PLEKHA5: variants seen among roughly 807,000 people sequenced by gnomAD.
PLEKHA5 encodes the protein pleckstrin homology domain-containing family A member 5.
Under a neutral mutation model 181.9 loss-of-function variants are expected in PLEKHA5, and 55 were observed. The observed-to-expected ratio is 0.30, with a 90% CI of 0.24 to 0.38. The LOEUF (loss-of-function observed/expected upper bound fraction) is 0.38. Among genes scored for constraint, PLEKHA5 ranks in the 10% least tolerant of loss-of-function variants. PLEKHA5 has a pLI of 1.00. For missense variants in PLEKHA5, 1,432 were observed against 1,549.5 expected (o/e 0.92, Z 1.27); for synonymous variants, 535 against 529.4 (o/e 1.01, Z -0.15).
At chr12:19,301,878 T>C (rs1011907624) in intron 15 of PLEKHA5, among the ~76,000 whole-genome samples, 1 of 152,202 alleles carries the variant, frequency 6.6e-6, no homozygotes, top group African/African-American at 2.4e-5. Context: ...TTTCAATAGG[T>C]AGCATACCCT....
intron 5 of PLEKHA5, among the ~76,000 whole-genome samples, 171 bp from the exon 6 acceptor site, chr12:19,257,262 C>T (rs1269717156): frequency 6.6e-6 from 1 of 152,086 alleles, no homozygotes; most frequent in East Asian, 1.9e-4. Flanking sequence ...GGAATTCTTA[C>T]ACTTCAAAAA....
chr12:19,166,432 G>C (rs998266929), intron 3 of PLEKHA5, among the ~76,000 whole-genome samples: 1 of 152,102 alleles, frequency 6.6e-6, no homozygotes, highest in Admixed American at 6.5e-5. Context: ...TTATTTGAGT[G>C]TCTGTGGCTG....
At chr12:19,175,735 TGA>T (rs2047037458) in intron 3 of PLEKHA5, among the ~76,000 whole-genome samples, 1 of 152,216 alleles carries the variant, frequency 6.6e-6, no homozygotes. Context: ...ATAACATTGT[TGA>T]AACTCTTTTG....
intron 20 of PLEKHA5, among the ~76,000 whole-genome samples, chr12:19,334,862 A>ATATATATATATATATATATC (rs1565630250): frequency 4.3e-4 from 27 of 62,668 alleles, no homozygotes; most frequent in African/African-American, 1.3e-3. Flanking sequence ...ATATATATAT[A>ATATATATATATATATATATC]TATATATCTC....
At chr12:19,155,206 CTA>C (rs2041392740) in intron 3 of PLEKHA5, among the ~76,000 whole-genome samples, 1 of 152,118 alleles carries the variant, frequency 6.6e-6, no homozygotes, top group Non-Finnish European at 1.5e-5. Context: ...CTCACAAGCT[CTA>C]TGTAAAATAA....
In PLEKHA5 at chr12:19,274,848, G is replaced by C; in HGVS notation, c.1178G>C (p.Arg393Thr). 3.7e-6 allele frequency: 6 copies of C among 1,614,116 alleles called. No individual in the cohort carries two copies. The highest frequency in any genetic ancestry group is 5.1e-6 in the Non-Finnish European group (6 of 1,180,010). Residue 393 changes from arginine (R) to threonine (T), a missense_variant, in exon 11 of 32, where the codon AGA (arginine) becomes ACA (threonine). Transcript: ENST00000429027. ...GTCAATGTTAGCCTGGCAGATCTTAGAGGTGGAAATCGCCCCAATACAGGG... is the reference window on the plus strand; with the variant it reads ...GTCAATGTTAGCCTGGCAGATCTTACAGGTGGAAATCGCCCCAATACAGGG... ...KIVNVSLADL[R>T]GGNRPNTGPL... is the part of the protein sequence containing the mutation.
Position 19,130,036 on chromosome 12 carries a change from C to T in PLEKHA5, c.90-15C>T, listed in dbSNP as rs751613131. 1.3e-5 allele frequency: 20 copies of T among 1,574,710 alleles called. No individual in the cohort carries two copies. Among genetic ancestry groups the T allele is most frequent in the Middle Eastern group, 1.7e-4 (1 of 6,012 alleles). ...CTCTCACGCTCCGTGTCTGCCCCTTCTCTCACCCCTGCAGCGAGGAGGCCA... is the reference window on the plus strand; with the variant it reads ...CTCTCACGCTCCGTGTCTGCCCCTTTTCTCACCCCTGCAGCGAGGAGGCCA... On this transcript the variant is annotated splice_polypyrimidine_tract_variant and intron_variant, in intron 1 of 31. Coordinates refer to ENST00000429027, the MANE Select transcript of PLEKHA5 (RefSeq NM_001256470.2). The surrounding 1 kb of genome is among the most constrained non-coding windows in gnomAD (Gnocchi z 4.5).
chr12:19,261,328 A>G (rs1317660726), intron 7 of PLEKHA5, among the ~76,000 whole-genome samples: 1 of 152,132 alleles, frequency 6.6e-6, no homozygotes, highest in Non-Finnish European at 1.5e-5. Flanking sequence ...TTCTTTTCAC[A>G]TGTCAGTTTT....
chr12:19,375,879 T>TA lies in PLEKHA5; in HGVS notation c.*360_*361insA, dbSNP rs1334257357. ...AAGTCTAGGTGAATTTATATATATA[T>TA]TTTTTTGCTTTTCATTTTCTAAAGT... On this transcript the variant is annotated 3_prime_UTR_variant, in exon 32 of 32. Transcript: ENST00000429027. The TA allele has an allele frequency of 6.6e-6, 1 of 152,424 alleles. No homozygotes were observed. The highest frequency in any genetic ancestry group is 1.5e-5 in the Non-Finnish European group (1 of 68,008). The allele number at this position is 152,424 out of a possible 1,614,324, so 9.4% of individuals were successfully genotyped here. A position where few individuals can be genotyped will look rare whatever the true frequency, so the allele number is the denominator to read the frequency against.
chr12:19,209,656 A>G (rs1340573645), intron 3 of PLEKHA5, among the ~76,000 whole-genome samples: 7 of 152,198 alleles, frequency 4.6e-5, no homozygotes. Flanking sequence ...TGGCTTTACC[A>G]GTATGGTCCT....
chr12:19,191,997 A>G (rs1213578082), intron 3 of PLEKHA5, among the ~76,000 whole-genome samples: 1 of 152,166 alleles, frequency 6.6e-6, no homozygotes, highest in Non-Finnish European at 1.5e-5. Flanking sequence ...GGAGGGGACT[A>G]TACAAAGGTG....
chr12:19,148,787 G>C (rs999658743), intron 3 of PLEKHA5, among the ~76,000 whole-genome samples: 1 of 152,186 alleles, frequency 6.6e-6, no homozygotes, highest in African/African-American at 2.4e-5. Flanking sequence ...TATCAGAAAA[G>C]AAGGATGAAA....
chr12:19,335,398 TA>T (rs2093337613), intron 20 of PLEKHA5, among the ~76,000 whole-genome samples: 1 of 151,380 alleles, frequency 6.6e-6, no homozygotes, highest in South Asian at 2.1e-4. Flanking sequence ...GATAGCTCTT[TA>T]TTTTTTTTCT....
At chr12:19,172,341 AC>A (rs1414107489) in intron 3 of PLEKHA5, among the ~76,000 whole-genome samples, 1 of 152,102 alleles carries the variant, frequency 6.6e-6, no homozygotes, top group Non-Finnish European at 1.5e-5. Flanking sequence ...TCTGTTGTTG[AC>A]CAAAATGTCA....
chr12:19,157,931 C>A (rs944364924), intron 3 of PLEKHA5, among the ~76,000 whole-genome samples: 1 of 152,120 alleles, frequency 6.6e-6, no homozygotes, highest in Admixed American at 6.6e-5. Context: ...AATAATTAGT[C>A]ATCATTTTGT....
intron 20 of PLEKHA5, 125 bp from the exon 21 acceptor site, chr12:19,336,390 A>T (rs775640473): frequency 3.7e-6 from 2 of 545,332 alleles, no homozygotes; most frequent in East Asian, 3.3e-5. Flanking sequence ...AAATGGTTAT[A>T]AAAATTCCTG....
rs1409440417 is a variant in PLEKHA5 at position 19,375,562 on chromosome 12, C to T, written c.*43C>T. ...TGACTTCTGTTGAAACCATTCAAAGCTAAAGACATGGACCTTCAGCAGTGT... is the reference window on the plus strand; with the variant it reads ...TGACTTCTGTTGAAACCATTCAAAGTTAAAGACATGGACCTTCAGCAGTGT... On this transcript the variant is annotated 3_prime_UTR_variant, in exon 32 of 32. Coordinates refer to ENST00000429027, the MANE Select transcript of PLEKHA5 (RefSeq NM_001256470.2). 6.6e-6 allele frequency: 1 copy of T among 152,526 alleles called. No homozygotes were observed. The highest frequency in any genetic ancestry group is 1.5e-5 in the Non-Finnish European group (1 of 68,024). The allele number at this position is 152,526 out of a possible 1,614,324, so 9.4% of individuals were successfully genotyped here. A position where few individuals can be genotyped will look rare whatever the true frequency, so the allele number is the denominator to read the frequency against.
chr12:19,298,860 A>G (rs1286444039), intron 15 of PLEKHA5, among the ~76,000 whole-genome samples: 1 of 152,174 alleles, frequency 6.6e-6, no homozygotes, highest in Non-Finnish European at 1.5e-5. Context: ...TTGCTTTACT[A>G]TTTGCTTAGA....
chr12:19,198,892 A>G (rs908064753), intron 3 of PLEKHA5, among the ~76,000 whole-genome samples: 2 of 152,188 alleles, frequency 1.3e-5, no homozygotes, highest in African/African-American at 4.8e-5. Context: ...ATTTTTCTAT[A>G]AGACCATTAC....
Sources: allele counts gnomAD v4.1 joint callset (sites outside exome capture counted in the v4.1 genomes callset), GRCh38; gene constraint gnomAD v4.1.1; non-coding constraint Gnocchi (gnomAD v3.1); transcripts MANE v1.5; gene names NCBI Gene and HGNC (gene_info 2026-07-23, HGNC 2026-07-21).